MASP1: variants seen among roughly 807,000 people sequenced by gnomAD.
MASP1 encodes the protein mannan-binding lectin serine protease 1.
In MASP1, 59 loss-of-function variants were observed where a neutral mutation model predicts 77.1. The observed-to-expected ratio is 0.77, with a 90% confidence interval of 0.62 to 0.95. MASP1 has a LOEUF of 0.95. MASP1 is among the 40% of genes least tolerant of loss of function. The probability of loss-of-function intolerance (pLI) is 0.00; values close to 1 mark genes in which losing one functional copy is unlikely to be tolerated. For synonymous variants in MASP1, 362 were observed against 354.5 expected, an observed-to-expected ratio of 1.02 and a Z score of -0.24; for missense variants, 885 against 912.9, an observed-to-expected ratio of 0.97 and a Z score of 0.39.
intron 7 of MASP1, among the ~76,000 whole-genome samples, chr3:187,250,748 G>C (rs6797981): frequency 0.029 from 4,342 of 152,222 alleles, 228 homozygotes; most frequent in African/African-American, 0.097. Context: ...ACAAGTTCCC[G>C]GTGATGCTGA....
intron 1 of MASP1, among the ~76,000 whole-genome samples, chr3:187,287,004 T>C (rs187992465): frequency 6.6e-5 from 10 of 152,354 alleles, no homozygotes; most frequent in Admixed American, 4.6e-4. Context: ...TCCTGTGTTT[T>C]GGAAATCCAT....
chr3:187,250,346 A>T lies in MASP1; in HGVS notation c.1012-17T>A. Reference sequence around the variant, plus strand: ...CACATTATCCTGGGAAGAGACAGGAAGAAGGGAGTGGGAAGAAGGAGGTGG... The same window carrying T: ...CACATTATCCTGGGAAGAGACAGGATGAAGGGAGTGGGAAGAAGGAGGTGG... On this transcript the variant is annotated splice_polypyrimidine_tract_variant and intron_variant, in intron 7 of 10. Transcript: ENST00000296280. The T allele has an allele frequency of 6.3e-7, 1 of 1,593,826 alleles. No individual in the cohort carries two copies. Among genetic ancestry groups the T allele is most frequent in the Non-Finnish European group, 8.6e-7 (1 of 1,161,438 alleles).
At chr3:187,244,085 C>G (rs1713883593) in intron 8 of MASP1, 1 of 193,650 alleles carries the variant, frequency 5.2e-6, no homozygotes, top group African/African-American at 2.3e-5. Flanking sequence ...GTAACAGCAG[C>G]TAATGTGCTC....
chr3:187,285,155 A>C (rs538997829), intron 2 of MASP1, among the ~76,000 whole-genome samples: 1 of 73,062 alleles, frequency 1.4e-5, no homozygotes, highest in East Asian at 3.6e-4. Flanking sequence ...CCACCCATGG[A>C]ATTTTTTTTT....
chr3:187,250,199 GC>G lies in MASP1; in HGVS notation c.1090+51del, dbSNP rs1222503347. 7.6e-6 allele frequency: 11 copies of G among 1,450,198 alleles called. No individual in the cohort carries two copies. In the East Asian group the frequency reaches 2.5e-4, roughly 33 times the overall value. 89.8% of individuals were successfully genotyped at this position (1,450,198 alleles called of 1,614,324 possible). On this transcript the variant is annotated intron_variant, in intron 8 of 10. Transcript: ENST00000296280. Reference sequence around the variant, plus strand: ...CCCTTGCATGCTCTGCTCGGATCCCGCCAGTGCTGGGGAGCTCAGTATCTTT... The same window carrying G: ...CCCTTGCATGCTCTGCTCGGATCCCGCAGTGCTGGGGAGCTCAGTATCTTT...
chr3:187,245,900 T>C (rs1714036048), intron 8 of MASP1, among the ~76,000 whole-genome samples: 1 of 152,240 alleles, frequency 6.6e-6, no homozygotes, highest in Non-Finnish European at 1.5e-5. Context: ...GTTCCAAGTG[T>C]GCTTTGCTGT....
At chr3:187,275,284 A>G (rs1716874459) in intron 2 of MASP1, among the ~76,000 whole-genome samples, 1 of 152,184 alleles carries the variant, frequency 6.6e-6, no homozygotes, top group Non-Finnish European at 1.5e-5. Context: ...AGTGGACAGA[A>G]GGGGCCGCCT....
At chr3:187,265,011 C>T (rs1715899149) in intron 2 of MASP1, among the ~76,000 whole-genome samples, 1 of 152,098 alleles carries the variant, frequency 6.6e-6, no homozygotes, top group African/African-American at 2.4e-5. Flanking sequence ...CAGTTATCCA[C>T]TTGTAAAAAC....
chr3:187,223,780 T>C (rs551067117), intron 13 of MASP1, among the ~76,000 whole-genome samples: 9 of 152,326 alleles, frequency 5.9e-5, no homozygotes, highest in Non-Finnish European at 1.2e-4. Context: ...GAGCAATTAT[T>C]TTCTCATTTG....
At chr3:187,230,086 G>C (rs16861761), downstream of MASP1, among the ~76,000 whole-genome samples, 42,026 of 152,106 alleles carry the variant, frequency 0.28, 6,522 homozygotes, top group East Asian at 0.67. Flanking sequence ...CTTAGTCTAT[G>C]CAGCTAGAGT....
chr3:187,225,336 G>A (rs758163903), exon 13 of MASP1: 13 of 1,613,150 alleles, frequency 8.1e-6, no homozygotes, highest in Admixed American at 6.7e-5. Flanking sequence ...TCCTGCTGGG[G>A]TCCCTCAGGC....
downstream of MASP1, chr3:187,234,075 C>T (rs1407843098): frequency 8.0e-7 from 1 of 1,256,524 alleles, no homozygotes; most frequent in South Asian, 1.3e-5. Flanking sequence ...AACCCATAAG[C>T]CAAGGCTGTT....
At position 187,236,121 on chromosome 3, in the gene MASP1, G is replaced by C. The variant is rs1206907156; in HGVS notation, c.1750C>G (p.Pro584Ala). 6.2e-7 allele frequency: 1 copy of C among 1,613,940 alleles called. No individual in the cohort carries two copies. ...LPRLEPEGPAPHMLGLVAGWG... is the reference protein window; with the variant it reads ...LPRLEPEGPAAHMLGLVAGWG... Reference sequence around the variant, plus strand: ...CCGGCCACCAGGCCCAGCATGTGGGGGGCCGGGCCTTCAGGCTCAAGCCTT... The same window carrying C: ...CCGGCCACCAGGCCCAGCATGTGGGCGGCCGGGCCTTCAGGCTCAAGCCTT... The change falls in exon 11 of 11, where the codon CCC (proline) becomes GCC (alanine). Residue 584 changes from proline (P) to alanine (A), a missense_variant. By Grantham distance (27) the Pro-to-Ala change is conservative (BLOSUM62 -1). Coordinates refer to ENST00000296280, the MANE Select transcript of MASP1 (RefSeq NM_139125.4).
chr3:187,273,566 C>G (rs181320976), intron 2 of MASP1, among the ~76,000 whole-genome samples: 3 of 152,178 alleles, frequency 2.0e-5, no homozygotes, highest in Admixed American at 6.5e-5. Flanking sequence ...GCTCATTGTG[C>G]GAGCTCGGTA....
At chr3:187,260,674 G>A (rs1715487358) in intron 4 of MASP1, 67 bp downstream of exon 4, 1 of 1,602,010 alleles carries the variant, frequency 6.2e-7, no homozygotes, top group African/African-American at 1.3e-5. Flanking sequence ...CTTTCTCTGA[G>A]CCTCATCTAA....
chr3:187,238,923 A>G (rs914343247), intron 10 of MASP1, among the ~76,000 whole-genome samples: 3 of 152,158 alleles, frequency 2.0e-5, no homozygotes, highest in Non-Finnish European at 4.4e-5. Context: ...GCGAAGAGAG[A>G]ATTTACAAAT....
intron 6 of MASP1, among the ~76,000 whole-genome samples, chr3:187,252,192 C>T (rs935115375): frequency 2.0e-5 from 3 of 152,206 alleles, no homozygotes; most frequent in Non-Finnish European, 2.9e-5. Context: ...CTAAGCATGG[C>T]AGCTCAGGGA....
At chr3:187,289,515 C>T (rs147876187) in intron 1 of MASP1, among the ~76,000 whole-genome samples, 8 of 152,288 alleles carry the variant, frequency 5.3e-5, no homozygotes, top group Non-Finnish European at 8.8e-5. Context: ...AGGCATCTGG[C>T]CAAAGCAATT....
At chr3:187,259,045 G>A (rs1715336877) in intron 4 of MASP1, among the ~76,000 whole-genome samples, 1 of 152,166 alleles carries the variant, frequency 6.6e-6, no homozygotes, top group Non-Finnish European at 1.5e-5. Context: ...TGTGAGTGCA[G>A]GAATTCTGCT....
Sources: allele counts gnomAD v4.1 joint callset (sites outside exome capture counted in the v4.1 genomes callset), GRCh38; gene constraint gnomAD v4.1.1; transcripts MANE v1.5; gene names NCBI Gene and HGNC (gene_info 2026-07-23, HGNC 2026-07-21).